CENPF: variants seen among roughly 807,000 people sequenced by gnomAD.
CENPF encodes the protein AH antigen.
Under a neutral mutation model 307.3 loss-of-function variants are expected in CENPF, and 214 were observed. The ratio of observed to expected loss-of-function variants is 0.70; its 90% CI spans 0.62 to 0.78. The LOEUF (loss-of-function observed/expected upper bound fraction) is 0.78, where lower values mean the gene tolerates loss of function less well. Ranked by LOEUF, CENPF falls within the 30% of genes least tolerant of loss-of-function variation. The pLI is 0.00. For synonymous variants in CENPF, 1,259 were observed against 1,270.6 expected (o/e 0.99, Z 0.19); for missense variants, 3,401 against 3,483.9 (o/e 0.98, Z 0.60).
At position 214,647,364 on chromosome 1, in the gene CENPF, ATTG is replaced by A; in HGVS notation, c.7795_7797del (p.Leu2599del). On this transcript the variant is annotated inframe_deletion, in exon 13 of 20. Transcript: ENST00000366955. ...ACAAGAATCTAGAGAATGAGCTTGA[ATTG>A]ACAAAAATGGACAAAATGTCCTTTG... 1 of 1,610,124 alleles carries A rather than the reference ATTG, an allele frequency of 6.2e-7. No homozygotes were observed. Among genetic ancestry groups the A allele is most frequent in the Non-Finnish European group, 8.5e-7 (1 of 1,177,612 alleles).
intron 9 of CENPF, among the ~76,000 whole-genome samples, chr1:214,631,306 C>G (rs1017536192): frequency 1.3e-5 from 2 of 152,170 alleles, no homozygotes; most frequent in African/African-American, 4.8e-5. Context: ...ACACTTGAAT[C>G]TGCTGCCTCT....
intron 15 of CENPF, 48 bp downstream of exon 15, chr1:214,651,934 A>T: frequency 6.7e-7 from 1 of 1,487,580 alleles, no homozygotes; most frequent in Non-Finnish European, 9.0e-7. Context: ...GTGTATTTTG[A>T]TCATGGTAAG....
At position 214,605,632 on chromosome 1, in the gene CENPF, G is replaced by C. The variant is rs377670454; in HGVS notation, c.-42+2311G>C. On this transcript the variant is annotated intron_variant, in intron 1 of 19. Coordinates refer to ENST00000366955, the MANE Select transcript of CENPF (RefSeq NM_016343.4). ...GGGGGGCCGGCGCGGGGTGAGGTCC[G>C]GGGGCTGCCTTATTGCTGAGGTCTG... is the stretch of plus-strand genomic sequence containing the variant. 19 of 1,495,734 alleles carry C rather than the reference G, an allele frequency of 1.3e-5. No homozygotes were observed. The African/African-American group carries it at 2.5e-4, about 19-fold the overall frequency. The allele number at this position is 1,495,734 out of a possible 1,614,324, so 92.7% of individuals were successfully genotyped here. A position where few individuals can be genotyped will look rare whatever the true frequency, so the allele number is the denominator to read the frequency against.
At chr1:214,623,190 G>A (rs990515425) in intron 7 of CENPF, among the ~76,000 whole-genome samples, 3 of 152,188 alleles carry the variant, frequency 2.0e-5, no homozygotes, top group African/African-American at 2.4e-5. Context: ...CAGCTTGGGT[G>A]ACAGGGTGAG....
Position 214,620,679 on chromosome 1 carries a change from G to T in CENPF, c.598G>T (p.Ala200Ser). The change falls in exon 6 of 20, where the codon GCC becomes TCC. Residue 200 changes from alanine to serine, a missense_variant. Physicochemically the swap from Ala to Ser is moderately conservative, Grantham distance 99 (BLOSUM62 1). Coordinates refer to ENST00000366955, the MANE Select transcript of CENPF (RefSeq NM_016343.4). ...GAAAGCAAGCCAGACTCTTCCACAA[G>T]CCACCATGAATCACCGCGACATTGC... ...AKKASQTLPQ[A>S]TMNHRDIARH... 6.2e-7 allele frequency: 1 copy of T among 1,613,684 alleles called. No individual in the cohort carries two copies. Among genetic ancestry groups the T allele is most frequent in the Non-Finnish European group, 8.5e-7 (1 of 1,179,872 alleles).
At chr1:214,611,339 C>A (rs186804442) in intron 1 of CENPF, among the ~76,000 whole-genome samples, 1 of 151,688 alleles carries the variant, frequency 6.6e-6, no homozygotes, top group Non-Finnish European at 1.5e-5. Context: ...ATTTGTGTCA[C>A]TCTGATTTCT....
chr1:214,648,345 A>G, intron 13 of CENPF: 1 of 410,390 alleles, frequency 2.4e-6, no homozygotes, highest in Non-Finnish European at 4.6e-6. Flanking sequence ...AAGTGATAAG[A>G]TACTGCCTGA....
chr1:214,605,773 C>T (rs1657008878), intron 1 of CENPF: 5 of 1,593,336 alleles, frequency 3.1e-6, no homozygotes, highest in Non-Finnish European at 3.4e-6. Flanking sequence ...TGCCCTCCAC[C>T]CACAGCGGCT....
Position 214,619,148 on chromosome 1 carries a change from A to G in CENPF, c.501A>G (p.Leu167=). The G allele has an allele frequency of 6.5e-7, 1 of 1,545,686 alleles. No individual in the cohort carries two copies. Among genetic ancestry groups the G allele is most frequent in the Non-Finnish European group, 8.9e-7 (1 of 1,123,746 alleles). The change falls in exon 5 of 20, where the codon CTA becomes CTG. Residue 167 remains leucine (L), a synonymous_variant. Coordinates refer to ENST00000366955, the MANE Select transcript of CENPF (RefSeq NM_016343.4). ...TTCTAGGTTCCAAGTATGAAGATCT[A>G]AAAGAAAAATATAATAAAGAGGTTG... ...QYYSGSKYED[L]KEKYNKEVEE... is the part of the protein sequence containing the mutation.
intron 9 of CENPF, 130 bp downstream of exon 9, chr1:214,630,792 G>A: frequency 8.3e-7 from 1 of 1,198,616 alleles, no homozygotes; most frequent in Non-Finnish European, 1.1e-6. Flanking sequence ...CCCTATCAAA[G>A]TGGAGAATGT....
rs546636747 is a variant in CENPF, at chr1:214,609,028, G to T, written c.-41-4686G>T. Among the ~76,000 whole-genome samples the T allele has an allele frequency of 4.7e-3, 715 of 151,820 alleles. 5 individuals are homozygous for T. Among genetic ancestry groups the T allele is most frequent in the Non-Finnish European group, 6.8e-3 (464 of 67,854 alleles). On this transcript the variant is annotated intron_variant, in intron 1 of 19. Coordinates refer to ENST00000366955, the MANE Select transcript of CENPF (RefSeq NM_016343.4). ...CCAGCCCCATCGCGGTCCAAGCCGAGCCCCAGGGAGCCTCGCAACCACAGG... is the reference window on the plus strand; with the variant it reads ...CCAGCCCCATCGCGGTCCAAGCCGATCCCCAGGGAGCCTCGCAACCACAGG...
In CENPF at chr1:214,642,006, A is replaced by T; in HGVS notation, c.3668A>T (p.Lys1223Ile). Reference protein sequence around the residue: ...LEAMLRNKELKLQESEKEKEC... With the variant: ...LEAMLRNKELILQESEKEKEC... ...GCTATGCTAAGAAATAAGGAATTAA[A>T]ACTTCAGGAAAGTGAGAAGGAGAAG... The change falls in exon 12 of 20, where the codon AAA becomes ATA. Residue 1223 changes from lysine (K) to isoleucine (I), a missense_variant. Coordinates refer to ENST00000366955, the MANE Select transcript of CENPF (RefSeq NM_016343.4). The T allele has an allele frequency of 6.2e-7, 1 of 1,610,846 alleles. No homozygotes were observed. The highest frequency in any genetic ancestry group is 8.5e-7 in the Non-Finnish European group (1 of 1,179,240).
At chr1:214,655,446 C>A in intron 17 of CENPF, 43 bp downstream of exon 17, 3 of 1,507,968 alleles carry the variant, frequency 2.0e-6, no homozygotes, top group Admixed American at 2.2e-5. Context: ...GAACTCTTTT[C>A]CAGTAGTGAA....
chr1:214,632,542 A>C lies in CENPF; in HGVS notation c.1386A>C (p.Arg462Ser), dbSNP rs757577625. The C allele has an allele frequency of 6.2e-7, 1 of 1,614,164 alleles. No individual in the cohort carries two copies. The highest frequency in any genetic ancestry group is 1.3e-5 in the African/African-American group (1 of 75,066). The change falls in exon 10 of 20, where the codon AGA becomes AGC. Residue 462 changes from arginine (R) to serine (S), a missense_variant. Arg to Ser is a moderately radical substitution (Grantham distance 110). Coordinates refer to ENST00000366955, the MANE Select transcript of CENPF (RefSeq NM_016343.4). ...AAGAGTTTAAGCAAAAGTTGTGCAG[A>C]GCTGAACAGGCGTTCCAGGCGAGTC... ...NLEEFKQKLC[R>S]AEQAFQASQI...
Position 214,664,056 on chromosome 1 carries a change from A to G in CENPF, c.*262A>G. ...GCTATGTATATAAAGCTTTTTGGTA[A>G]TATGTTACAATTAAAATGACAAGCA... On this transcript the variant is annotated 3_prime_UTR_variant, in exon 20 of 20. Transcript: ENST00000366955. 1 of 317,740 alleles carries G rather than the reference A, an allele frequency of 3.1e-6. No homozygotes were observed. The highest frequency in any genetic ancestry group is 9.9e-5 in the South Asian group (1 of 10,054). 19.7% of individuals were successfully genotyped at this position (317,740 alleles called of 1,614,324 possible).
Position 214,646,796 on chromosome 1 carries a change from C to A in CENPF, c.7226C>A (p.Ser2409Tyr). The stretch of plus-strand genomic sequence containing the variant: ...TTACAAAAAGAGCAAGAGCGAATAT[C>A]TGAATTAGAAATAATAAATTCATCA... The part of the protein sequence containing the change: ...NELQKEQERI[S>Y]ELEIINSSFE... The change falls in exon 13 of 20, where the codon TCT becomes TAT. Residue 2409 changes from serine (S) to tyrosine (Y), a missense_variant. Transcript: ENST00000366955. 2 of 1,611,472 alleles carry A rather than the reference C, an allele frequency of 1.2e-6. No homozygotes were observed. The highest frequency in any genetic ancestry group is 1.7e-6 in the Non-Finnish European group (2 of 1,179,058).
In CENPF at chr1:214,642,876, A is replaced by C; in HGVS notation, c.4538A>C (p.Glu1513Ala). The C allele has an allele frequency of 1.9e-6, 3 of 1,614,034 alleles. No individual in the cohort carries two copies. Among genetic ancestry groups the C allele is most frequent in the Middle Eastern group, 1.7e-4 (1 of 6,060 alleles). ...TGDMSLLSNLEGAVSANQCSV... is the reference protein window; with the variant it reads ...TGDMSLLSNLAGAVSANQCSV... ...GATATGTCTCTTTTGAGTAATTTAG[A>C]AGGGGCTGTTTCAGCAAACCAGTGC... is the stretch of plus-strand genomic sequence containing the variant. The change falls in exon 12 of 20, where the codon GAA becomes GCA. Residue 1513 changes from glutamate to alanine, a missense_variant. Coordinates refer to ENST00000366955, the MANE Select transcript of CENPF (RefSeq NM_016343.4).
At position 214,603,306 on chromosome 1, in the gene CENPF, C is replaced by A. The variant is rs1467084; in HGVS notation, c.-57C>A. 1 of 152,334 alleles carries A rather than the reference C, an allele frequency of 6.6e-6. No homozygotes were observed. Among genetic ancestry groups the A allele is most frequent in the Non-Finnish European group, 1.5e-5 (1 of 68,128 alleles). The allele number at this position is 152,334 out of a possible 1,614,324, so 9.4% of individuals were successfully genotyped here. A position where few individuals can be genotyped will look rare whatever the true frequency, so the allele number is the denominator to read the frequency against. ...TGTACTCTCCGAGAGGTCGTTTTCCCGTCCCCGAGAGCAAGGTGAGCGTCC... is the reference window on the plus strand; with the variant it reads ...TGTACTCTCCGAGAGGTCGTTTTCCAGTCCCCGAGAGCAAGGTGAGCGTCC... On this transcript the variant is annotated 5_prime_UTR_variant, in exon 1 of 20. Coordinates refer to ENST00000366955, the MANE Select transcript of CENPF (RefSeq NM_016343.4).
chr1:214,605,483 T>A, intron 1 of CENPF: 1 of 561,328 alleles, frequency 1.8e-6, no homozygotes, highest in East Asian at 2.9e-5. Flanking sequence ...ATTTCTGTTT[T>A]CACGTATTTT....
Sources: gnomAD v4.1 joint callset for allele counts (sites outside exome capture counted in the v4.1 genomes callset) on GRCh38, gnomAD v4.1.1 for gene constraint, MANE v1.5 for transcripts, NCBI Gene and HGNC (gene_info 2026-07-23, HGNC 2026-07-21) for gene names.